Variants in PLA2G4F observed in about 807,000 individuals in gnomAD.
The protein encoded by PLA2G4F is cytosolic phospholipase A2 zeta.
A neutral mutation model predicts 103.1 loss-of-function variants in PLA2G4F; 105 were observed. That is an observed-to-expected ratio of 1.02 (90% CI 0.87 to 1.20). The LOEUF is 1.20. PLA2G4F is among the 50% of genes most tolerant of loss of function. The pLI, the probability that PLA2G4F is intolerant of heterozygous loss-of-function variation, is 0.00. For missense variants in PLA2G4F, 1,155 were observed against 1,075.9 expected, an observed-to-expected ratio of 1.07 and a Z score of -1.03; for synonymous variants, 468 against 441.1, an observed-to-expected ratio of 1.06 and a Z score of -0.76.
chr15:42,154,522 G>A, intron 2 of PLA2G4F, 64 bp from the exon 3 acceptor site: 1 of 1,483,416 alleles, frequency 6.7e-7, no homozygotes, highest in South Asian at 1.4e-5. Context: ...TTTCCTTGGG[G>A]AGGCTAGGGC....
chr15:42,147,138 G>T lies in PLA2G4F; in HGVS notation c.1405C>A (p.Leu469Ile). 1 of 1,612,426 alleles carries T rather than the reference G, an allele frequency of 6.2e-7. No homozygotes were observed. Among genetic ancestry groups the T allele is most frequent in the African/African-American group, 1.3e-5 (1 of 75,016 alleles). Residue 469 changes from leucine to isoleucine, a missense_variant, in exon 13 of 20, where the codon CTC becomes ATC. Around this residue, in one of 3 missense-constraint regions of PLA2G4F, gnomAD observed 782 missense variants for 692.9 expected, o/e 1.13. Coordinates refer to ENST00000397272, the MANE Select transcript of PLA2G4F (RefSeq NM_213600.4). ...TCTTCTCTCACCTCCTGGTACAGGAGATACTCAACAAGGAGGCCCCAGAGG... is the reference window on the plus strand; with the variant it reads ...TCTTCTCTCACCTCCTGGTACAGGATATACTCAACAAGGAGGCCCCAGAGG... ...IDLWGLLVEY[L>I]LYQEENPAKL...
intron 18 of PLA2G4F, among the ~76,000 whole-genome samples, chr15:42,143,213 A>G (rs1334654903): frequency 8.8e-5 from 12 of 135,930 alleles, no homozygotes; most frequent in Admixed American, 8.7e-4. Context: ...AAAGCTCCCC[A>G]TCCAGTGGTG....
intron 11 of PLA2G4F, 128 bp from the exon 12 acceptor site, chr15:42,147,890 C>G: frequency 1.0e-5 from 14 of 1,382,712 alleles, no homozygotes; most frequent in Non-Finnish European, 1.4e-5. Context: ...CACAGCAACC[C>G]AATGAGAACC....
Position 42,144,643 on chromosome 15 carries a change from G to A in PLA2G4F, c.1782C>T (p.Asp594=), listed in dbSNP as rs757827731. ...TGTGCAGCTGAGGCTTCTGGCAGTCGTCTAGACAGGGGCGGGACAGTGAAA... is the reference window on the plus strand; with the variant it reads ...TGTGCAGCTGAGGCTTCTGGCAGTCATCTAGACAGGGGCGGGACAGTGAAA... ...EWYRGSVNIT[D]DCQKPQLHNP... is the part of the protein sequence containing the mutation. The change falls in exon 17 of 20, where the codon GAC becomes GAT. Residue 594 remains aspartate (D), a splice_region_variant and synonymous_variant. Transcript: ENST00000397272. 5.9e-5 allele frequency: 93 copies of A among 1,588,708 alleles called. No individual in the cohort carries two copies. The highest frequency in any genetic ancestry group is 2.1e-4 in the South Asian group (18 of 86,668).
Position 42,155,561 on chromosome 15 carries a change from T to C in PLA2G4F, c.140A>G (p.Gln47Arg). 1 of 1,614,080 alleles carries C rather than the reference T, an allele frequency of 6.2e-7. No homozygotes were observed. ...GTTTGTGGCCCTCAGCACCTTCACC[T>C]GGAGGTCATAGTATGGGTAGGTTTC... is the stretch of plus-strand genomic sequence containing the variant. ...RRETYPYYDL[Q>R]VKVLRATNIR... Residue 47 changes from glutamine to arginine, a missense_variant, in exon 2 of 20, where the codon CAG becomes CGG. Transcript: ENST00000397272.
In PLA2G4F at chr15:42,154,128, G is replaced by A. The variant is rs1376667040; in HGVS notation, c.414C>T (p.Gly138=). 1 of 1,614,230 alleles carries A rather than the reference G, an allele frequency of 6.2e-7. No individual in the cohort carries two copies. The highest frequency in any genetic ancestry group is 1.1e-5 in the South Asian group (1 of 91,086). The part of the protein sequence containing the change: ...LLFDLRSLKC[G]QPHKHTFPLN... ...GTGGGAAGGTGTGTTTGTGAGGTTGGCCACACTTGAGGCTTCTCAGGTCAA... is the reference window on the plus strand; with the variant it reads ...GTGGGAAGGTGTGTTTGTGAGGTTGACCACACTTGAGGCTTCTCAGGTCAA... Residue 138 remains glycine, a synonymous_variant, in exon 4 of 20, where the codon GGC becomes GGT. Coordinates refer to ENST00000397272, the MANE Select transcript of PLA2G4F (RefSeq NM_213600.4).
intron 7 of PLA2G4F, among the ~76,000 whole-genome samples, chr15:42,152,405 A>C (rs1006150024): frequency 1.3e-5 from 2 of 152,238 alleles, no homozygotes; most frequent in Non-Finnish European, 2.9e-5. Context: ...AGCCCAGCCC[A>C]GCTGACTGCC....
chr15:42,151,355 G>A (rs2048960398), intron 7 of PLA2G4F: 3 of 985,138 alleles, frequency 3.0e-6, no homozygotes, highest in African/African-American at 1.7e-5. Flanking sequence ...TGGAAGATGA[G>A]GCCCAGGCTG....
In PLA2G4F at chr15:42,146,168, C is replaced by T. The variant is rs1389157784; in HGVS notation, c.1493G>A (p.Ser498Asn). Residue 498 changes from serine (S) to asparagine (N), a missense_variant, in exon 14 of 20, where the codon AGT (serine) becomes AAT (asparagine). Ser to Asn is a conservative substitution (Grantham distance 46). Transcript: ENST00000397272. Reference sequence around the variant, plus strand: ...ACTCAAGTTGGTGCGGACGTTGACACTGGTGTAAATGGGGTAAGGGTTCTG... The same window carrying T: ...ACTCAAGTTGGTGCGGACGTTGACATTGGTGTAAATGGGGTAAGGGTTCTG... Reference protein sequence around the residue: ...QGQNPYPIYTSVNVRTNLSGE... With the variant: ...QGQNPYPIYTNVNVRTNLSGE... The T allele has an allele frequency of 1.2e-6, 2 of 1,614,138 alleles. No individual in the cohort carries two copies. The highest frequency in any genetic ancestry group is 1.7e-6 in the Non-Finnish European group (2 of 1,180,044).
Position 42,147,710 on chromosome 15 carries a change from G to C in PLA2G4F, c.1112C>G (p.Ser371Cys). ...CAACCCTGCCAGGCTGCCGTACAGA[G>C]AAGACATGGCTCGGGTTCCACCCCC... is the stretch of plus-strand genomic sequence containing the variant. ...GSGGGTRAMSSLYGSLAGLQE... is the reference protein window; with the variant it reads ...GSGGGTRAMSCLYGSLAGLQE... The change falls in exon 12 of 20, where the codon TCT (serine) becomes TGT (cysteine). Residue 371 changes from serine to cysteine, a missense_variant. Physicochemically the swap from Ser to Cys is moderately radical, Grantham distance 112. Around this residue, in one of 3 missense-constraint regions of PLA2G4F, gnomAD observed 782 missense variants for 692.9 expected, o/e 1.13. Coordinates refer to ENST00000397272, the MANE Select transcript of PLA2G4F (RefSeq NM_213600.4). 6.2e-7 allele frequency: 1 copy of C among 1,614,022 alleles called. No individual in the cohort carries two copies. Among genetic ancestry groups the C allele is most frequent in the Non-Finnish European group, 8.5e-7 (1 of 1,179,960 alleles).
intron 13 of PLA2G4F, chr15:42,146,546 C>T (rs1012695573): frequency 3.1e-6 from 1 of 324,296 alleles, no homozygotes; most frequent in African/African-American, 2.1e-5. Context: ...CTTGAAAAGC[C>T]AGTCCAATTT....
In PLA2G4F at chr15:42,147,177, C is replaced by A. The variant is rs773748065; in HGVS notation, c.1366G>T (p.Val456Leu). The A allele has an allele frequency of 1.2e-6, 2 of 1,613,010 alleles. No homozygotes were observed. The highest frequency in any genetic ancestry group is 2.2e-5 in the South Asian group (2 of 91,068). ...AGGCCCCAGAGGTCGATGAGGGACA[C>A]GCTGTGGCCACTGCGCTCCCGGACC... Reference protein sequence around the residue: ...LGVRERSGHSVSLIDLWGLLV... With the variant: ...LGVRERSGHSLSLIDLWGLLV... Residue 456 changes from valine (V) to leucine (L), a missense_variant, in exon 13 of 20, where the codon GTG (valine) becomes TTG (leucine). By Grantham distance (32) the Val-to-Leu change is conservative. Transcript: ENST00000397272.
Position 42,145,792 on chromosome 15 carries a change from G to A in PLA2G4F, c.1646C>T (p.Pro549Leu), listed in dbSNP as rs151068838. The A allele has an allele frequency of 7.4e-6, 12 of 1,614,130 alleles. No individual in the cohort carries two copies. Among genetic ancestry groups the A allele is most frequent in the African/African-American group, 1.3e-5 (1 of 75,048 alleles). The change falls in exon 15 of 20, where the codon CCT becomes CTT. Residue 549 changes from proline to leucine, a missense_variant. This residue lies in a region of PLA2G4F where 782 missense variants were observed against 692.9 expected (regional missense o/e 1.13). Coordinates refer to ENST00000397272, the MANE Select transcript of PLA2G4F (RefSeq NM_213600.4). ...LFMGRLLQLQ[P>L]EPRICYLQGM... The stretch of plus-strand genomic sequence containing the variant: ...TTGCAGGTAACAGATCCGGGGTTCA[G>A]GCTGGAGCTGCAGCAATCGTCCCAT...
chr15:42,149,544 CCGT>C, intron 11 of PLA2G4F, 166 bp downstream of exon 11: 2 of 985,426 alleles, frequency 2.0e-6, no homozygotes, highest in Non-Finnish European at 2.4e-6. Context: ...TTGGCCAGGG[CCGT>C]TTGGCCCTGG....
At chr15:42,142,349 C>T in intron 19 of PLA2G4F, 145 bp from the exon 20 acceptor site, 2 of 1,158,888 alleles carry the variant, frequency 1.7e-6, no homozygotes, top group Non-Finnish European at 2.4e-6. Context: ...TCAGACCCCC[C>T]AGGAGGGGCT....
chr15:42,141,902 TC>T lies in PLA2G4F; in HGVS notation c.*81del. On this transcript the variant is annotated 3_prime_UTR_variant, in exon 20 of 20. Transcript: ENST00000397272. ...GAAGGGAAGCAGATCCTGCACAGAG[TC>T]CCCATCGCTCCTCCCTCTACAAGCC... The T allele has an allele frequency of 7.3e-7, 1 of 1,363,390 alleles. No homozygotes were observed. Among genetic ancestry groups the T allele is most frequent in the South Asian group, 1.3e-5 (1 of 77,010 alleles). The allele number at this position is 1,363,390 out of a possible 1,614,324, so 84.5% of individuals were successfully genotyped here. A position where few individuals can be genotyped will look rare whatever the true frequency, so the allele number is the denominator to read the frequency against.
Position 42,141,847 on chromosome 15 carries a change from C to T in PLA2G4F, c.*137G>A. 2.3e-6 allele frequency: 2 copies of T among 876,180 alleles called. No individual in the cohort carries two copies. Among genetic ancestry groups the T allele is most frequent in the Non-Finnish European group, 3.5e-6 (2 of 575,310 alleles). The allele number at this position is 876,180 out of a possible 1,614,324, so 54.3% of individuals were successfully genotyped here. A position where few individuals can be genotyped will look rare whatever the true frequency, so the allele number is the denominator to read the frequency against. ...GCAATTCTGCAAGAGCTTTCCGGGG[C>T]CTGGGGCACCTCGAGGCAGGTCCTG... On this transcript the variant is annotated 3_prime_UTR_variant, in exon 20 of 20. Coordinates refer to ENST00000397272, the MANE Select transcript of PLA2G4F (RefSeq NM_213600.4).
At chr15:42,152,794 G>A (rs1278755605) in intron 6 of PLA2G4F, 40 bp from the exon 7 acceptor site, 21 of 1,539,124 alleles carry the variant, frequency 1.4e-5, no homozygotes, top group Admixed American at 2.0e-5. Flanking sequence ...GACAGCCCAC[G>A]GCCCCAGCCA....
rs542737149 is a variant in PLA2G4F, at chr15:42,155,387, C to T, written c.184+130G>A. 13 of 889,504 alleles carry T rather than the reference C, an allele frequency of 1.5e-5. No homozygotes were observed. In the South Asian group the frequency reaches 2.1e-4, roughly 14 times the overall value. The allele number at this position is 889,504 out of a possible 1,614,324, so 55.1% of individuals were successfully genotyped here. On this transcript the variant is annotated intron_variant, in intron 2 of 19. Coordinates refer to ENST00000397272, the MANE Select transcript of PLA2G4F (RefSeq NM_213600.4). ...ACGTATACTCACACATGTATACACA[C>T]ATGCACTCTCACTTGTACTCACCCA...
Sources: allele counts gnomAD v4.1 joint callset (sites outside exome capture counted in the v4.1 genomes callset), GRCh38; gene constraint gnomAD v4.1.1; regional missense constraint gnomAD v4.1.1; transcripts MANE v1.5; gene names NCBI Gene and HGNC (gene_info 2026-07-23, HGNC 2026-07-21).